KCTD13: variants seen among roughly 807,000 people sequenced by gnomAD.
The protein encoded by KCTD13 is potassium channel tetramerization domain containing 13, also known as BTB/POZ domain-containing adapter for CUL3-mediated RhoA degradation protein 1.
Under a neutral mutation model 32.3 loss-of-function variants are expected in KCTD13, and 15 were observed. The ratio of observed to expected loss-of-function variants is 0.46; its 90% CI spans 0.31 to 0.71. The LOEUF (loss-of-function observed/expected upper bound fraction) is 0.71, where lower values mean the gene tolerates loss of function less well. Among genes scored for constraint, KCTD13 ranks in the 30% least tolerant of loss-of-function variants. The pLI, the probability that KCTD13 is intolerant of heterozygous loss-of-function variation, is 0.05. For missense variants in KCTD13, 337 were observed against 452.6 expected, an observed-to-expected ratio of 0.74 and a Z score of 2.32; for synonymous variants, 189 against 200.1, an observed-to-expected ratio of 0.94 and a Z score of 0.47.
intron 2 of KCTD13, among the ~76,000 whole-genome samples, chr16:29,917,046 T>C (rs2068822692): frequency 6.6e-6 from 1 of 152,204 alleles, no homozygotes; most frequent in African/African-American, 2.4e-5. Context: ...ATGACCTAGC[T>C]TCAAAGTCAC....
chr16:29,907,158 A>G (rs767364101), intron 5 of KCTD13, 50 bp from the exon 6 acceptor site: 22 of 1,349,396 alleles, frequency 1.6e-5, no homozygotes, highest in Non-Finnish European at 2.1e-5. Context: ...GCAGTCACGC[A>G]GGGCCATCCC....
At chr16:29,911,214 C>A in intron 4 of KCTD13, 41 bp from the exon 5 acceptor site, 2 of 1,511,956 alleles carry the variant, frequency 1.3e-6, no homozygotes, top group Non-Finnish European at 1.8e-6. Flanking sequence ...GCAGTTGGCA[C>A]CCCTCCCTCT....
At chr16:29,910,899 C>A (rs2068695278) in intron 5 of KCTD13, 79 bp downstream of exon 5, 1 of 1,389,838 alleles carries the variant, frequency 7.2e-7, no homozygotes, top group East Asian at 2.3e-5. Context: ...GGGCTCCTTC[C>A]CCTGCCAACC....
intron 2 of KCTD13, 50 bp downstream of exon 2, chr16:29,923,140 T>C (rs374142270): frequency 1.3e-6 from 2 of 1,599,764 alleles, no homozygotes; most frequent in Non-Finnish European, 1.7e-6. Flanking sequence ...TAATACCTGC[T>C]TGGGCAGCTC....
At chr16:29,924,041 G>A (rs755371095) in intron 1 of KCTD13, among the ~76,000 whole-genome samples, 2 of 151,262 alleles carry the variant, frequency 1.3e-5, no homozygotes, top group South Asian at 4.2e-4. Flanking sequence ...GGGCATGGTG[G>A]CGCATGCCTG....
intron 2 of KCTD13, among the ~76,000 whole-genome samples, chr16:29,918,292 T>C (rs2068844254): frequency 6.6e-6 from 1 of 152,224 alleles, no homozygotes; most frequent in South Asian, 2.1e-4. Flanking sequence ...GTAACAATGA[T>C]AGAGAAATCA....
chr16:29,907,211 G>T, intron 5 of KCTD13, 103 bp from the exon 6 acceptor site: 1 of 782,852 alleles, frequency 1.3e-6, no homozygotes, highest in Non-Finnish European at 2.1e-6. Flanking sequence ...TAGCCCTGCA[G>T]TCAGGTCCTT....
chr16:29,906,679 G>A lies in KCTD13; in HGVS notation c.*193C>T, dbSNP rs886069203. The A allele has an allele frequency of 6.8e-5, 47 of 688,810 alleles. No individual in the cohort carries two copies. The highest frequency in any genetic ancestry group is 2.2e-4 in the Admixed American group (11 of 49,326). The allele number at this position is 688,810 out of a possible 1,614,324, so 42.7% of individuals were successfully genotyped here. A position where few individuals can be genotyped will look rare whatever the true frequency, so the allele number is the denominator to read the frequency against. ...TCGGAAGGCTCTGAGTGGTGGGGCCGGAATGTACCATGTTGTTAGCAATGG... is the reference window on the plus strand; with the variant it reads ...TCGGAAGGCTCTGAGTGGTGGGGCCAGAATGTACCATGTTGTTAGCAATGG... On this transcript the variant is annotated 3_prime_UTR_variant, in exon 6 of 6. Coordinates refer to ENST00000568000, the MANE Select transcript of KCTD13 (RefSeq NM_178863.5).
chr16:29,909,126 G>T (rs2068661891), intron 5 of KCTD13, among the ~76,000 whole-genome samples: 1 of 152,106 alleles, frequency 6.6e-6, no homozygotes, highest in Admixed American at 6.6e-5. Context: ...TGGGAGATAG[G>T]AAAGAAAAAG....
intron 2 of KCTD13, chr16:29,913,072 A>T (rs1022491830): frequency 8.0e-5 from 12 of 150,206 alleles, no homozygotes; most frequent in African/African-American, 2.9e-4. Context: ...AACTCATAAG[A>T]CTCTCTAAAA....
intron 2 of KCTD13, chr16:29,912,436 T>C: frequency 3.7e-6 from 1 of 269,780 alleles, no homozygotes; most frequent in Non-Finnish European, 6.9e-6. Context: ...CCTTTTGTGT[T>C]ATCAGTTTTC....
At chr16:29,911,896 G>A (rs1415069924) in intron 3 of KCTD13, 29 bp from the exon 4 acceptor site, 2 of 1,611,198 alleles carry the variant, frequency 1.2e-6, no homozygotes, top group South Asian at 2.2e-5. Context: ...TGGACGAGAG[G>A]GGTGAGGCTG....
intron 5 of KCTD13, 89 bp from the exon 6 acceptor site, chr16:29,907,197 C>T: frequency 1.1e-6 from 1 of 870,054 alleles, no homozygotes; most frequent in Non-Finnish European, 1.8e-6. Context: ...ACCAACACAC[C>T]TCCTAGCCCT....
At position 29,923,364 on chromosome 16, in the gene KCTD13, T is replaced by C. The variant is rs200830308; in HGVS notation, c.245-5A>G. ...TCCGGTCAATCAGCACCCAACCTAG[T>C]GGGGTGGGGAGAGGCAGGGGGAAAG... On this transcript the variant is annotated splice_polypyrimidine_tract_variant and splice_region_variant and intron_variant, in intron 1 of 5. Coordinates refer to ENST00000568000, the MANE Select transcript of KCTD13 (RefSeq NM_178863.5). The C allele has an allele frequency of 6.2e-6, 10 of 1,612,548 alleles. No individual in the cohort carries two copies. The highest frequency in any genetic ancestry group is 4.0e-5 in the African/African-American group (3 of 74,758).
chr16:29,925,195 G>A (rs1045570582), intron 1 of KCTD13, among the ~76,000 whole-genome samples: 2 of 152,156 alleles, frequency 1.3e-5, no homozygotes, highest in Admixed American at 6.5e-5. Flanking sequence ...AAGAAGGTAA[G>A]GTTCACCTGC....
At chr16:29,908,764 G>A (rs992660179) in intron 5 of KCTD13, among the ~76,000 whole-genome samples, 32 of 150,954 alleles carry the variant, frequency 2.1e-4, no homozygotes, top group Admixed American at 2.0e-3. Context: ...GTGCAGTGGT[G>A]TGATCATGTA....
At chr16:29,917,652 G>A (rs773411936) in intron 2 of KCTD13, among the ~76,000 whole-genome samples, 3 of 152,020 alleles carry the variant, frequency 2.0e-5, no homozygotes, top group South Asian at 4.2e-4. Flanking sequence ...GGTGGTGCAC[G>A]CCTGTAATCC....
intron 2 of KCTD13, chr16:29,921,728 G>C (rs1051391647): frequency 6.6e-6 from 1 of 152,134 alleles, no homozygotes; most frequent in Non-Finnish European, 1.5e-5. Context: ...CCAGCACTTT[G>C]GGGGGCCAAG....
At chr16:29,911,571 A>G in intron 4 of KCTD13, 1 of 593,648 alleles carries the variant, frequency 1.7e-6, no homozygotes, top group Non-Finnish European at 3.0e-6. Flanking sequence ...GAATGAGAGC[A>G]CTTGGGATAG....
Sources: allele counts gnomAD v4.1 joint callset (sites outside exome capture counted in the v4.1 genomes callset), GRCh38; gene constraint gnomAD v4.1.1; transcripts MANE v1.5; gene names NCBI Gene and HGNC (gene_info 2026-07-23, HGNC 2026-07-21).